Variants in SMYD5 observed in about 807,000 individuals in gnomAD.
The protein encoded by SMYD5 is protein-lysine N-trimethyltransferase SMYD5.
A neutral mutation model predicts 57.4 loss-of-function variants in SMYD5; 35 were observed. The ratio of observed to expected loss-of-function variants is 0.61; its 90% CI spans 0.47 to 0.81. The LOEUF (loss-of-function observed/expected upper bound fraction) is 0.81. SMYD5 is among the 30% of genes least tolerant of loss of function. SMYD5 has a pLI of 0.00. For missense variants in SMYD5, 471 were observed against 527.9 expected (o/e 0.89, Z 1.06); for synonymous variants, 198 against 189.7 (o/e 1.04, Z -0.36).
intron 11 of SMYD5, 41 bp from the exon 12 acceptor site, chr2:73,225,590 A>G (rs1367768586): frequency 6.3e-7 from 1 of 1,588,900 alleles, no homozygotes; most frequent in Non-Finnish European, 8.6e-7. Context: ...ATGCCATTTA[A>G]AAGAGCACAG....
chr2:73,226,032 C>A lies in SMYD5; in HGVS notation c.*86C>A, dbSNP rs1417089021. 3 of 1,481,382 alleles carry A rather than the reference C, an allele frequency of 2.0e-6. No homozygotes were observed. The highest frequency in any genetic ancestry group is 4.9e-5 in the East Asian group (2 of 40,622). The allele number at this position is 1,481,382 out of a possible 1,614,324, so 91.8% of individuals were successfully genotyped here. A position where few individuals can be genotyped will look rare whatever the true frequency, so the allele number is the denominator to read the frequency against. On this transcript the variant is annotated 3_prime_UTR_variant, in exon 13 of 13. Transcript: ENST00000389501. ...CAGAGAAGTGGCTTGGAGGGAACTT[C>A]CCACTCCCATTGCCTGCTTTCCCCA...
rs377259798 is a variant in SMYD5, at chr2:73,214,258, G to A, written c.-9G>A. 3.1e-6 allele frequency: 5 copies of A among 1,613,368 alleles called. No individual in the cohort carries two copies. Among genetic ancestry groups the A allele is most frequent in the South Asian group, 2.2e-5 (2 of 91,054 alleles). On this transcript the variant is annotated 5_prime_UTR_variant, in exon 1 of 13. Transcript: ENST00000389501. ...GGGTTAAGGGTCATAAGGCGGAGGC[G>A]CGCCCAAGATGGCGGCCTCCATGTG...
At chr2:73,223,206 T>G in intron 8 of SMYD5, 100 bp downstream of exon 8, 1 of 993,422 alleles carries the variant, frequency 1.0e-6, no homozygotes, top group Non-Finnish European at 1.6e-6. Flanking sequence ...AGGGTGGGAC[T>G]CTGGACAGAT....
intron 10 of SMYD5, among the ~76,000 whole-genome samples, chr2:73,224,204 T>C (rs979514184): frequency 6.6e-6 from 1 of 152,154 alleles, no homozygotes; most frequent in African/African-American, 2.4e-5. Context: ...CATCCAACTG[T>C]TTGTGCTATA....
At chr2:73,220,341 G>T (rs1382321691) in intron 3 of SMYD5, 151 bp downstream of exon 3, 2 of 941,544 alleles carry the variant, frequency 2.1e-6, no homozygotes, top group East Asian at 5.2e-5. Flanking sequence ...CTTGGTTATT[G>T]TTCCAGTTTC....
chr2:73,214,449 G>A (rs1686252950), intron 1 of SMYD5, 87 bp downstream of exon 1: 9 of 1,601,028 alleles, frequency 5.6e-6, no homozygotes, highest in Admixed American at 3.4e-5. Flanking sequence ...GGAGCCCAGA[G>A]GCTTCTGTGC....
chr2:73,223,208 T>C (rs1362035278), intron 8 of SMYD5, 102 bp downstream of exon 8: 23 of 996,338 alleles, frequency 2.3e-5, no homozygotes, highest in Middle Eastern at 4.1e-4. Context: ...GGTGGGACTC[T>C]GGACAGATCA....
At chr2:73,214,886 TTG>T in intron 1 of SMYD5, 1 of 1,209,158 alleles carries the variant, frequency 8.3e-7, no homozygotes, top group Non-Finnish European at 1.1e-6. Context: ...GTCGTTTTTA[TTG>T]TGTTCCAAAA....
At chr2:73,221,745 G>A in intron 5 of SMYD5, 81 bp from the exon 6 acceptor site, 1 of 927,880 alleles carries the variant, frequency 1.1e-6, no homozygotes, top group South Asian at 1.3e-5. Flanking sequence ...AAGTTCCTGT[G>A]TAGTGGTATT....
chr2:73,216,426 C>T (rs1048957853), intron 1 of SMYD5, among the ~76,000 whole-genome samples: 1 of 151,460 alleles, frequency 6.6e-6, no homozygotes, highest in South Asian at 2.1e-4. Context: ...CGTGGTGGCT[C>T]ACACCTGTAA....
In SMYD5 at chr2:73,225,702, G is replaced by C; in HGVS notation, c.1106+1G>C. On this transcript the variant is annotated splice_donor_variant, in intron 12 of 12. Transcript: ENST00000389501. LOFTEE classifies it high-confidence loss of function. Reference sequence around the variant, plus strand: ...GCCACAGCCGCCACAAGATCCTCAGGTGCCAGCTGGGGACATGGTTGTGCA... The same window carrying C: ...GCCACAGCCGCCACAAGATCCTCAGCTGCCAGCTGGGGACATGGTTGTGCA... The C allele has an allele frequency of 1.2e-6, 2 of 1,614,224 alleles. No individual in the cohort carries two copies. Among genetic ancestry groups the C allele is most frequent in the Non-Finnish European group, 8.5e-7 (1 of 1,180,034 alleles).
intron 1 of SMYD5, chr2:73,214,933 G>A (rs1196816572): frequency 1.5e-6 from 1 of 669,042 alleles, no homozygotes; most frequent in Non-Finnish European, 1.8e-6. Flanking sequence ...ATGCATGTAA[G>A]GAAAGAAAAT....
In SMYD5 at chr2:73,223,441, G is replaced by A; in HGVS notation, c.792G>A (p.Trp264Ter). The change falls in exon 9 of 13, where the codon TGG becomes TGA. Residue 264 changes from tryptophan to a stop codon, truncating the protein, a stop_gained. Transcript: ENST00000389501. LOFTEE classifies it high-confidence loss of function. ...GACCCCCCAGCTCCCTAAGCCAGTGGGTCCATGCCTGTGACACTCTGGAGT... is the reference window on the plus strand; with the variant it reads ...GACCCCCCAGCTCCCTAAGCCAGTGAGTCCATGCCTGTGACACTCTGGAGT... ...QGIGTSSLSQ[W>*]VHACDTLELK... 1 of 1,613,748 alleles carries A rather than the reference G, an allele frequency of 6.2e-7. No homozygotes were observed. Among genetic ancestry groups the A allele is most frequent in the South Asian group, 1.1e-5 (1 of 91,076 alleles).
In SMYD5 at chr2:73,220,125, G is replaced by T. The variant is rs1468124452; in HGVS notation, c.280G>T (p.Val94Phe). 1 of 1,614,204 alleles carries T rather than the reference G, an allele frequency of 6.2e-7. No individual in the cohort carries two copies. Among genetic ancestry groups the T allele is most frequent in the East Asian group, 2.2e-5 (1 of 44,878 alleles). The part of the protein sequence containing the change: ...AQRLTGKPGQ[V>F]LPHPELCTVR... The stretch of plus-strand genomic sequence containing the variant: ...GAGGCTGACCGGGAAACCAGGCCAG[G>T]TTCTGCCTCACCCAGAGCTGTGCAC... Residue 94 changes from valine to phenylalanine, a missense_variant, in exon 3 of 13, where the codon GTT (valine) becomes TTT (phenylalanine). Coordinates refer to ENST00000389501, the MANE Select transcript of SMYD5 (RefSeq NM_006062.3).
At chr2:73,214,774 A>G (rs1386683506) in intron 1 of SMYD5, 5 of 1,314,970 alleles carry the variant, frequency 3.8e-6, no homozygotes, top group South Asian at 2.5e-5. Flanking sequence ...AGAGAGGCCA[A>G]GATCCTTCAC....
intron 1 of SMYD5, among the ~76,000 whole-genome samples, chr2:73,218,450 A>G (rs1055417918): frequency 3.3e-5 from 5 of 152,180 alleles, no homozygotes; most frequent in Non-Finnish European, 5.9e-5. Context: ...CTGTGTAGCA[A>G]CACCACTGCC....
At chr2:73,221,494 A>G (rs1004411323) in intron 5 of SMYD5, among the ~76,000 whole-genome samples, 2 of 145,094 alleles carry the variant, frequency 1.4e-5, no homozygotes, top group African/African-American at 5.2e-5. Flanking sequence ...AGTTTCTGAT[A>G]TAGAAGATGC....
rs1017165772 is a variant in SMYD5 at position 73,220,235 on chromosome 2, A to T, written c.345+45A>T. 1.0e-5 allele frequency: 16 copies of T among 1,606,802 alleles called. No individual in the cohort carries two copies. In the East Asian group the frequency reaches 3.6e-4, roughly 36 times the overall value. On this transcript the variant is annotated intron_variant, in intron 3 of 12. Coordinates refer to ENST00000389501, the MANE Select transcript of SMYD5 (RefSeq NM_006062.3). Reference sequence around the variant, plus strand: ...GTACCTGGAAGGGGGTGGGTGAGGGAGGCCTTAGCTGGAGTCCTCAGTGGG... The same window carrying T: ...GTACCTGGAAGGGGGTGGGTGAGGGTGGCCTTAGCTGGAGTCCTCAGTGGG...
At chr2:73,225,370 C>A in intron 11 of SMYD5, 1 of 568,760 alleles carries the variant, frequency 1.8e-6, no homozygotes, top group South Asian at 2.2e-5. Flanking sequence ...AGCTGCAGAC[C>A]TTGGCCATTG....
Sources: allele counts gnomAD v4.1 joint callset (sites outside exome capture counted in the v4.1 genomes callset), GRCh38; gene constraint gnomAD v4.1.1; transcripts MANE v1.5; gene names NCBI Gene and HGNC (gene_info 2026-07-23, HGNC 2026-07-21).